Variants in KCTD8 observed in about 807,000 individuals in gnomAD.
KCTD8 encodes potassium channel tetramerization domain containing 8.
KCTD8 carries 27 observed loss-of-function variants against 31.5 expected under a neutral mutation model. The observed-to-expected ratio is 0.86, with a 90% CI of 0.63 to 1.18. The LOEUF is 1.18. KCTD8 is among the 50% of genes most tolerant of loss of function. The pLI, the probability that KCTD8 is intolerant of heterozygous loss-of-function variation, is 0.00. For synonymous variants in KCTD8, 290 were observed against 280.0 expected (o/e 1.04, Z -0.36); for missense variants, 658 against 647.7 (o/e 1.02, Z -0.17).
chr4:44,403,611 A>G (rs899559543), intron 1 of KCTD8, among the ~76,000 whole-genome samples: 6 of 152,066 alleles, frequency 3.9e-5, no homozygotes, highest in African/African-American at 1.4e-4. Context: ...CTGTAAACAT[A>G]TTAGGTGTCT....
At chr4:44,360,583 G>A (rs1447581745) in intron 1 of KCTD8, among the ~76,000 whole-genome samples, 1 of 151,966 alleles carries the variant, frequency 6.6e-6, no homozygotes, top group African/African-American at 2.4e-5. Context: ...AATGAACAGA[G>A]AATTCTTTTT....
intron 1 of KCTD8, among the ~76,000 whole-genome samples, chr4:44,212,316 G>A (rs1349298350): frequency 2.0e-5 from 3 of 152,160 alleles, no homozygotes; most frequent in Admixed American, 2.0e-4. Context: ...AAGAAATGCA[G>A]GGAGGGTACA....
chr4:44,366,261 T>C (rs1208588895), intron 1 of KCTD8, among the ~76,000 whole-genome samples: 1 of 152,184 alleles, frequency 6.6e-6, no homozygotes, highest in Non-Finnish European at 1.5e-5. Context: ...GGCTCTGTGT[T>C]TCCACCCAAA....
chr4:44,175,721 C>A (rs775990450), intron 1 of KCTD8, among the ~76,000 whole-genome samples: 4 of 152,160 alleles, frequency 2.6e-5, no homozygotes, highest in Non-Finnish European at 5.9e-5. Context: ...ATATATTTTA[C>A]AAAGCTGCAG....
intron 1 of KCTD8, among the ~76,000 whole-genome samples, chr4:44,436,517 T>C (rs765570066): frequency 2.6e-5 from 4 of 152,106 alleles, no homozygotes; most frequent in Non-Finnish European, 4.4e-5. Context: ...AGAAATATGA[T>C]TATGAATGAT....
At chr4:44,217,024 CA>C (rs1714669815) in intron 1 of KCTD8, among the ~76,000 whole-genome samples, 1 of 151,626 alleles carries the variant, frequency 6.6e-6, no homozygotes, top group South Asian at 2.1e-4. Context: ...TAGCAATGAA[CA>C]ATTTTTTTAA....
At chr4:44,196,544 A>G (rs1713946884) in intron 1 of KCTD8, among the ~76,000 whole-genome samples, 1 of 152,206 alleles carries the variant, frequency 6.6e-6, no homozygotes, top group Admixed American at 6.5e-5. Context: ...TTGGGAGTAA[A>G]TACTGACTCT....
chr4:44,393,119 T>C (rs1720412841), intron 1 of KCTD8, among the ~76,000 whole-genome samples: 1 of 152,048 alleles, frequency 6.6e-6, no homozygotes, highest in Non-Finnish European at 1.5e-5. Flanking sequence ...GTTGTACTCC[T>C]TGCACATGTC....
intron 1 of KCTD8, among the ~76,000 whole-genome samples, chr4:44,242,272 A>G (rs1715170059): frequency 6.6e-6 from 1 of 152,248 alleles, no homozygotes; most frequent in Admixed American, 6.5e-5. Context: ...ATATCAAAGC[A>G]AAGAAGTTAA....
chr4:44,322,405 A>T (rs1257938923), intron 1 of KCTD8, among the ~76,000 whole-genome samples: 3 of 151,992 alleles, frequency 2.0e-5, no homozygotes, highest in South Asian at 4.1e-4. Flanking sequence ...CTTTTGAGAA[A>T]TGTCTATTCA....
At chr4:44,176,992 G>GAAA (rs1713237181) in intron 1 of KCTD8, among the ~76,000 whole-genome samples, 1 of 152,012 alleles carries the variant, frequency 6.6e-6, no homozygotes, top group Admixed American at 6.6e-5. Context: ...GCTTAGTAAG[G>GAAA]AAATACACCA....
At chr4:44,339,163 A>C (rs1389048463) in intron 1 of KCTD8, among the ~76,000 whole-genome samples, 1 of 152,206 alleles carries the variant, frequency 6.6e-6, no homozygotes, top group Non-Finnish European at 1.5e-5. Flanking sequence ...CTCATGTCTT[A>C]TTTATTGAAG....
chr4:44,325,195 T>C (rs1357715088), intron 1 of KCTD8, among the ~76,000 whole-genome samples: 1 of 151,958 alleles, frequency 6.6e-6, no homozygotes, highest in Non-Finnish European at 1.5e-5. Context: ...GGGTGGAAGC[T>C]GGATGTGCAA....
intron 1 of KCTD8, among the ~76,000 whole-genome samples, chr4:44,175,644 C>A (rs888287730): frequency 6.6e-6 from 1 of 152,064 alleles, no homozygotes; most frequent in Admixed American, 6.6e-5. Context: ...CATTTTTGTT[C>A]TACCCACTGC....
At chr4:44,183,578 A>G (rs1278883961) in intron 1 of KCTD8, among the ~76,000 whole-genome samples, 1 of 152,148 alleles carries the variant, frequency 6.6e-6, no homozygotes, top group South Asian at 2.1e-4. Flanking sequence ...TTTCCCAGTC[A>G]TTTGAATAGA....
intron 1 of KCTD8, among the ~76,000 whole-genome samples, chr4:44,332,558 C>T (rs903016010): frequency 6.6e-6 from 1 of 151,926 alleles, no homozygotes; most frequent in Non-Finnish European, 1.5e-5. Flanking sequence ...GTGACAGTAC[C>T]TTACATTTAT....
At chr4:44,199,909 G>C (rs1714080949) in intron 1 of KCTD8, among the ~76,000 whole-genome samples, 1 of 151,756 alleles carries the variant, frequency 6.6e-6, no homozygotes, top group African/African-American at 2.4e-5. Flanking sequence ...CCACTAGCTA[G>C]ATTAACAGAG....
chr4:44,318,625 C>T (rs944925753), intron 1 of KCTD8, among the ~76,000 whole-genome samples: 13 of 152,078 alleles, frequency 8.5e-5, no homozygotes, highest in African/African-American at 2.4e-4. Context: ...GGTTAACTGA[C>T]ATAGTGAGGG....
chr4:44,350,086 C>T (rs952349198), intron 1 of KCTD8, among the ~76,000 whole-genome samples: 1 of 152,080 alleles, frequency 6.6e-6, no homozygotes, highest in Non-Finnish European at 1.5e-5. Context: ...ACTGAGATAA[C>T]ATTAGGGCAA....
Sources: gnomAD v4.1 joint callset for allele counts (sites outside exome capture counted in the v4.1 genomes callset) on GRCh38, gnomAD v4.1.1 for gene constraint, MANE v1.5 for transcripts, NCBI Gene and HGNC (gene_info 2026-07-23, HGNC 2026-07-21) for gene names.